Variants in ST3GAL1 observed in about 807,000 individuals in gnomAD.
ST3GAL1 encodes the protein CMP-N-acetylneuraminate-beta-galactosamide-alpha-2,3-sialyltransferase 1.
A neutral mutation model predicts 34.1 loss-of-function variants in ST3GAL1; 16 were observed. The ratio of observed to expected loss-of-function variants is 0.47; its 90% CI spans 0.32 to 0.71. ST3GAL1 has a LOEUF of 0.71. Among genes scored for constraint, ST3GAL1 ranks in the 30% least tolerant of loss-of-function variants. ST3GAL1 has a pLI of 0.04. For missense variants in ST3GAL1, 353 were observed against 447.4 expected (o/e 0.79, Z 1.90); for synonymous variants, 191 against 184.7 (o/e 1.03, Z -0.28).
intron 2 of ST3GAL1, 23 bp from the exon 3 acceptor site, chr8:133,499,212 C>G (rs532820445): frequency 1.3e-5 from 2 of 152,290 alleles, no homozygotes; most frequent in Non-Finnish European, 2.9e-5. Flanking sequence ...AGAAAATACT[C>G]GGGAGACTTA....
rs544655839 is a variant in ST3GAL1, at chr8:133,558,461, A to C, written c.-581-12535T>G. Among the ~76,000 whole-genome samples the C allele has an allele frequency of 1.4e-4, 21 of 152,322 alleles. No individual in the cohort carries two copies. The East Asian group carries it at 3.9e-3, about 28-fold the overall frequency. ...ACTTTTATGAGTAAATCAAGGAATCAATGAAAGACTCAGTAGATAGAAGAA... is the reference window on the plus strand; with the variant it reads ...ACTTTTATGAGTAAATCAAGGAATCCATGAAAGACTCAGTAGATAGAAGAA... On this transcript the variant is annotated intron_variant, in intron 1 of 9. Transcript: ENST00000522652.
At chr8:133,535,606 T>C (rs1318965632) in intron 2 of ST3GAL1, among the ~76,000 whole-genome samples, 1 of 151,904 alleles carries the variant, frequency 6.6e-6, no homozygotes, top group Non-Finnish European at 1.5e-5. Flanking sequence ...GGCCTCAGTT[T>C]CCCAAGTGAC....
At chr8:133,541,082 C>CAT (rs1172519181) in intron 2 of ST3GAL1, among the ~76,000 whole-genome samples, 2 of 48,714 alleles carry the variant, frequency 4.1e-5, no homozygotes, top group East Asian at 3.3e-4. Flanking sequence ...TATATATAGA[C>CAT]ATATATATAT....
intron 1 of ST3GAL1, among the ~76,000 whole-genome samples, chr8:133,565,151 C>G (rs865973847): frequency 1.4e-5 from 2 of 139,308 alleles, no homozygotes; most frequent in African/African-American, 5.4e-5. Context: ...CTCTGTGTGC[C>G]TGTGTGTGTG....
intron 2 of ST3GAL1, among the ~76,000 whole-genome samples, chr8:133,542,286 TAGA>T: frequency 6.6e-6 from 1 of 151,760 alleles, no homozygotes; most frequent in East Asian, 1.9e-4. Flanking sequence ...GTGAGGAGAG[TAGA>T]AGATGAGGCT....
intron 2 of ST3GAL1, among the ~76,000 whole-genome samples, chr8:133,530,148 G>T (rs572037549): frequency 2.8e-4 from 42 of 152,162 alleles, no homozygotes; most frequent in Non-Finnish European, 4.8e-4. Flanking sequence ...ACTAGAGCAG[G>T]GGGGGTGACA....
rs765828544 is a variant in ST3GAL1 at position 133,464,827 on chromosome 8, T to C, written c.634A>G (p.Ile212Val). Residue 212 changes from isoleucine to valine, a missense_variant, in exon 7 of 10, where the codon ATC becomes GTC. Physicochemically the swap from Ile to Val is conservative, Grantham distance 29. Coordinates refer to ENST00000522652, the MANE Select transcript of ST3GAL1 (RefSeq NM_173344.3). The part of the protein sequence containing the change: ...VSMILVPFKT[I>V]DLEWVVSAIT... Reference sequence around the variant, plus strand: ...GCGCTCACCACCCACTCCAAGTCGATGGTCTTGAAGGGCACCAGGATCATG... The same window carrying C: ...GCGCTCACCACCCACTCCAAGTCGACGGTCTTGAAGGGCACCAGGATCATG... 1.2e-6 allele frequency: 2 copies of C among 1,613,862 alleles called. No homozygotes were observed.
At chr8:133,525,246 T>A (rs758751348) in intron 2 of ST3GAL1, among the ~76,000 whole-genome samples, 9 of 152,196 alleles carry the variant, frequency 5.9e-5, no homozygotes, top group African/African-American at 9.7e-5. Flanking sequence ...AGACACATAG[T>A]GGGTAGCTCC....
chr8:133,518,457 C>T (rs1817707903), intron 2 of ST3GAL1, among the ~76,000 whole-genome samples: 1 of 152,226 alleles, frequency 6.6e-6, no homozygotes, highest in South Asian at 2.1e-4. Flanking sequence ...TTGATAATTT[C>T]CTGATCAGAG....
intron 3 of ST3GAL1, among the ~76,000 whole-genome samples, chr8:133,482,009 A>G (rs1049686551): frequency 3.3e-5 from 5 of 151,666 alleles, no homozygotes; most frequent in African/African-American, 7.3e-5. Context: ...CTACCTACCT[A>G]TCTCTGTTTT....
chr8:133,483,113 G>T (rs544807821), intron 3 of ST3GAL1, among the ~76,000 whole-genome samples: 1 of 152,294 alleles, frequency 6.6e-6, no homozygotes, highest in East Asian at 1.9e-4. Context: ...AGGCTGGGGT[G>T]GGCGGATCAC....
chr8:133,560,868 A>T (rs1819200441), intron 1 of ST3GAL1, among the ~76,000 whole-genome samples: 1 of 152,168 alleles, frequency 6.6e-6, no homozygotes, highest in African/African-American at 2.4e-5. Context: ...CATCTATAAA[A>T]TGGGATTAAG....
intron 2 of ST3GAL1, among the ~76,000 whole-genome samples, chr8:133,531,162 G>C (rs781602402): frequency 7.9e-5 from 12 of 151,872 alleles, no homozygotes; most frequent in African/African-American, 2.9e-4. Flanking sequence ...ATGTGAAATG[G>C]GTGACTTTTG....
intron 2 of ST3GAL1, among the ~76,000 whole-genome samples, chr8:133,524,712 T>A (rs1407224559): frequency 2.0e-5 from 3 of 152,272 alleles, no homozygotes; most frequent in African/African-American, 7.2e-5. Context: ...AGGTGCCAGC[T>A]CCATGTGAGT....
At position 133,494,506 on chromosome 8, in the gene ST3GAL1, A is replaced by G. The variant is rs144879096; in HGVS notation, c.-374+4629T>C. On this transcript the variant is annotated intron_variant, in intron 3 of 9. Coordinates refer to ENST00000522652, the MANE Select transcript of ST3GAL1 (RefSeq NM_173344.3). ...AGGCTAACTTGTTAGTAGCAGCAGG[A>G]TAAAAGCAAATCCCAGACCTTGCAG... Among the ~76,000 whole-genome samples the G allele has an allele frequency of 2.7e-3, 414 of 152,318 alleles. 2 individuals are homozygous for G. The highest frequency in any genetic ancestry group is 9.7e-3 in the African/African-American group (402 of 41,570).
At chr8:133,476,190 G>A in intron 4 of ST3GAL1, 88 bp downstream of exon 4, 1 of 722,046 alleles carries the variant, frequency 1.4e-6, no homozygotes, top group South Asian at 2.0e-5. Flanking sequence ...ACTCCTGCTG[G>A]GGGATGACCC....
intron 9 of ST3GAL1, 96 bp from the exon 10 acceptor site, chr8:133,460,033 A>C: frequency 7.5e-7 from 1 of 1,335,210 alleles, no homozygotes; most frequent in Non-Finnish European, 1.0e-6. Flanking sequence ...ATCCCACAGG[A>C]CCATAAACAG....
chr8:133,490,410 C>A (rs573588881), intron 3 of ST3GAL1, among the ~76,000 whole-genome samples: 2 of 152,342 alleles, frequency 1.3e-5, no homozygotes, highest in South Asian at 4.1e-4. Context: ...CACACTAGGC[C>A]GGCTCCAGGA....
chr8:133,495,548 G>A (rs1007976553), intron 3 of ST3GAL1, among the ~76,000 whole-genome samples: 4 of 152,224 alleles, frequency 2.6e-5, no homozygotes, highest in Admixed American at 1.3e-4. Flanking sequence ...TTCTCCATGA[G>A]TTTCTTGCAT....
Sources: allele counts gnomAD v4.1 joint callset (sites outside exome capture counted in the v4.1 genomes callset), GRCh38; gene constraint gnomAD v4.1.1; transcripts MANE v1.5; gene names NCBI Gene and HGNC (gene_info 2026-07-23, HGNC 2026-07-21).